Variants in LIMS2 observed in about 807,000 individuals in gnomAD.
LIMS2 encodes LIM and senescent cell antigen-like-containing domain protein 2.
Under a neutral mutation model 45.3 loss-of-function variants are expected in LIMS2, and 30 were observed. The observed-to-expected ratio is 0.66, with a 90% CI of 0.50 to 0.90. The LOEUF (loss-of-function observed/expected upper bound fraction) is 0.90. Ranked by LOEUF, LIMS2 falls within the 40% of genes least tolerant of loss-of-function variation. The pLI, the probability that LIMS2 is intolerant of heterozygous loss-of-function variation, is 0.00. For synonymous variants in LIMS2, 173 were observed against 188.0 expected, an observed-to-expected ratio of 0.92 and a Z score of 0.65; for missense variants, 485 against 468.7, an observed-to-expected ratio of 1.03 and a Z score of -0.32.
upstream of LIMS2, among the ~76,000 whole-genome samples, chr2:127,680,249 G>A (rs1685588640): frequency 6.6e-6 from 1 of 152,212 alleles, no homozygotes. Context: ...GGCACCCACA[G>A]GTTTCACAAC....
chr2:127,639,712 C>G (rs560666974), intron 9 of LIMS2, among the ~76,000 whole-genome samples: 24 of 152,344 alleles, frequency 1.6e-4, no homozygotes, highest in Non-Finnish European at 3.1e-4. Context: ...TCTCCCAGCT[C>G]CAGCCATCCC....
intron 4 of LIMS2, chr2:127,652,749 G>A (rs913864156): frequency 6.6e-6 from 1 of 152,278 alleles, no homozygotes. Context: ...CTCTCTTGCT[G>A]GGGCTCTGGC....
In LIMS2 at chr2:127,647,028, G is replaced by A. The variant is rs1683064216; in HGVS notation, c.360-3956C>T. Among the ~76,000 whole-genome samples, 1 of 152,156 alleles carries A rather than the reference G, an allele frequency of 6.6e-6. No homozygotes were observed. The highest frequency in any genetic ancestry group is 2.1e-4 in the South Asian group (1 of 4,832). On this transcript the variant is annotated intron_variant, in intron 4 of 9. Transcript: ENST00000355119. The surrounding 1 kb of genome is among the most constrained non-coding windows in gnomAD (Gnocchi z 4.3). ...GCACGCCCTTCGGCCCGGGCAGGAA[G>A]TGGAGGGCAGTGCCCAGGCTGAGGC...
rs1299543143 is a variant in LIMS2, at chr2:127,650,564, G to A, written c.359+3860C>T. The A allele has an allele frequency of 9.7e-6, 6 of 616,306 alleles. No homozygotes were observed. The Admixed American group carries it at 1.7e-4, about 18-fold the overall frequency. 38.2% of individuals were successfully genotyped at this position (616,306 alleles called of 1,614,324 possible). On this transcript the variant is annotated intron_variant, in intron 4 of 9. Coordinates refer to ENST00000355119, the MANE Select transcript of LIMS2 (RefSeq NM_001161403.3). ...CTCTGACGCTCACGCACACCAAATG[G>A]ACAAGGAGGTCCCCTCAGCAGCCCC...
chr2:127,654,971 C>T (rs1354758515), intron 2 of LIMS2, 75 bp from the exon 3 acceptor site: 1 of 1,356,224 alleles, frequency 7.4e-7, no homozygotes, highest in Non-Finnish European at 1.0e-6. Flanking sequence ...CTTGTTGGGT[C>T]AGGACCTGAC....
intron 1 of LIMS2, chr2:127,674,561 C>T: frequency 2.2e-6 from 2 of 914,220 alleles, no homozygotes; most frequent in South Asian, 1.0e-4. Context: ...ACATTTTTAA[C>T]ATTTTTACCA....
intron 1 of LIMS2, among the ~76,000 whole-genome samples, chr2:127,669,693 G>C (rs573924290): frequency 7.2e-4 from 110 of 151,952 alleles, no homozygotes; most frequent in African/African-American, 2.5e-3. Context: ...ACTCCAGCCT[G>C]GGCGACACAG....
intron 4 of LIMS2, chr2:127,651,745 C>A: frequency 6.2e-7 from 1 of 1,611,604 alleles, no homozygotes; most frequent in Non-Finnish European, 8.5e-7. Flanking sequence ...AGTGCCAAGT[C>A]AGAGCTGTGA....
At chr2:127,670,757 C>T (rs74315753) in intron 1 of LIMS2, among the ~76,000 whole-genome samples, 2,081 of 152,316 alleles carry the variant, frequency 0.014, 133 homozygotes, top group Admixed American at 0.1. Flanking sequence ...GGGCACGTGC[C>T]CTCAGCCCAG....
At chr2:127,660,033 T>C (rs1684514605) in intron 1 of LIMS2, among the ~76,000 whole-genome samples, 1 of 152,184 alleles carries the variant, frequency 6.6e-6, no homozygotes, top group Non-Finnish European at 1.5e-5. Flanking sequence ...CACTCCCCAG[T>C]TACCTTGCTT....
intron 1 of LIMS2, among the ~76,000 whole-genome samples, chr2:127,673,504 C>T (rs1299597318): frequency 2.0e-5 from 3 of 152,200 alleles, no homozygotes; most frequent in African/African-American, 7.2e-5. Context: ...CGGTTCCGGC[C>T]GGGCTCACCT....
At chr2:127,652,953 C>T (rs1473967353) in intron 4 of LIMS2, among the ~76,000 whole-genome samples, 2 of 152,246 alleles carry the variant, frequency 1.3e-5, no homozygotes, top group Admixed American at 6.5e-5. Context: ...GGGGCAGTGG[C>T]CCTGTGCAAA....
intron 4 of LIMS2, chr2:127,643,576 T>TG (rs1558870927): frequency 2.2e-6 from 1 of 456,642 alleles, no homozygotes; most frequent in Non-Finnish European, 4.4e-6. Flanking sequence ...AGCACTGCTA[T>TG]GTCAGATGGA....
At position 127,640,308 on chromosome 2, in the gene LIMS2, T is replaced by G. The variant is rs1682280712; in HGVS notation, c.764A>C (p.Asp255Ala). 2.5e-6 allele frequency: 4 copies of G among 1,612,896 alleles called. No homozygotes were observed. The highest frequency in any genetic ancestry group is 1.7e-4 in the Middle Eastern group (1 of 5,852). ...CACATGGCTGCAGTTGTAGCAGACG[T>G]CCCCGAAGAGCTGTGGGCCGAGCAG... The part of the protein sequence containing the change: ...CETHYNQLFG[D>A]VCYNCSHVIE... Residue 255 changes from aspartate (D) to alanine (A), a missense_variant, in exon 8 of 10, where the codon GAC becomes GCC. Coordinates refer to ENST00000355119, the MANE Select transcript of LIMS2 (RefSeq NM_001161403.3).
intron 1 of LIMS2, among the ~76,000 whole-genome samples, chr2:127,662,438 C>T (rs1270150912): frequency 6.6e-6 from 1 of 152,078 alleles, no homozygotes; most frequent in African/African-American, 2.4e-5. Flanking sequence ...CCTGCCCCGC[C>T]TCCATGAAGC....
intron 1 of LIMS2, among the ~76,000 whole-genome samples, chr2:127,661,404 C>T (rs192240645): frequency 8.0e-4 from 122 of 152,366 alleles, no homozygotes; most frequent in African/African-American, 2.8e-3. Flanking sequence ...CTCTGGGAGC[C>T]TTCCAGAGTC....
upstream of LIMS2, among the ~76,000 whole-genome samples, chr2:127,679,917 C>G (rs549252498): frequency 5.9e-5 from 9 of 152,306 alleles, no homozygotes; most frequent in African/African-American, 2.2e-4. This position sits in a 1 kb window ranked among gnomAD's most constrained non-coding sequence, Gnocchi z 5.3. Flanking sequence ...GCCTTCCCAA[C>G]AGGTAGGCTG....
chr2:127,650,462 T>G (rs1477081144), intron 4 of LIMS2: 5 of 552,454 alleles, frequency 9.1e-6, no homozygotes, highest in African/African-American at 3.8e-5. Context: ...ATCTCCTGGG[T>G]GGCAGGGGTG....
At position 127,654,264 on chromosome 2, in the gene LIMS2, C is replaced by T. The variant is rs78730710; in HGVS notation, c.359+160G>A. 2.3e-3 allele frequency among the ~76,000 whole-genome samples: 343 copies of T among 152,176 alleles called. 9 individuals carry two copies. In the East Asian group the frequency reaches 0.055, roughly 25 times the overall value. On this transcript the variant is annotated intron_variant, in intron 4 of 9. Transcript: ENST00000355119. ...CCTGTAAACTGGGAGCTGGACTATC[C>T]GCCCCGGGGTGACCTGGAGGGAGGG... is the stretch of plus-strand genomic sequence containing the variant.
Sources: gnomAD v4.1 joint callset for allele counts (sites outside exome capture counted in the v4.1 genomes callset) on GRCh38, gnomAD v4.1.1 for gene constraint, Gnocchi (gnomAD v3.1) non-coding constraint, MANE v1.5 for transcripts, NCBI Gene and HGNC (gene_info 2026-07-23, HGNC 2026-07-21) for gene names.